Variants in MAGI1 observed in about 807,000 individuals in gnomAD.
MAGI1 encodes the protein membrane-associated guanylate kinase, WW and PDZ domain-containing protein 1.
MAGI1 carries 58 observed loss-of-function variants against 139.9 expected under a neutral mutation model. The ratio of observed to expected loss-of-function variants is 0.41; its 90% CI spans 0.34 to 0.52. The LOEUF is 0.52. Among genes scored for constraint, MAGI1 ranks in the 20% least tolerant of loss-of-function variants. MAGI1 has a pLI of 0.12. For missense variants in MAGI1, 1,874 were observed against 1,901.6 expected, an observed-to-expected ratio of 0.99 and a Z score of 0.27; for synonymous variants, 812 against 737.9, an observed-to-expected ratio of 1.10 and a Z score of -1.63.
intron 1 of MAGI1, among the ~76,000 whole-genome samples, chr3:65,927,718 T>C (rs964799123): frequency 2.6e-5 from 4 of 151,974 alleles, no homozygotes; most frequent in Non-Finnish European, 5.9e-5. Context: ...AAAGGGACTG[T>C]GGTTTGGGCT....
intron 12 of MAGI1, among the ~76,000 whole-genome samples, chr3:65,413,007 C>T (rs951237628): frequency 3.3e-5 from 5 of 152,104 alleles, no homozygotes; most frequent in Non-Finnish European, 4.4e-5. Flanking sequence ...CTTACTAAAG[C>T]AAACTTTTAT....
rs180851802 is a variant in MAGI1, at chr3:65,561,778, G to A, written c.430+60194C>T. Among the ~76,000 whole-genome samples the A allele has an allele frequency of 3.0e-4, 45 of 152,248 alleles. 1 individual carries two copies. Among genetic ancestry groups the A allele is most frequent in the African/African-American group, 9.9e-4 (41 of 41,538 alleles). Reference sequence around the variant, plus strand: ...ATTGCTTTTAAAACTTTATTAGCAAGTGGAGACAGAGTCAGTCAAACTACA... The same window carrying A: ...ATTGCTTTTAAAACTTTATTAGCAAATGGAGACAGAGTCAGTCAAACTACA... On this transcript the variant is annotated intron_variant, in intron 2 of 22. Transcript: ENST00000402939.
chr3:65,954,475 CTG>C lies in MAGI1; in HGVS notation c.313+83519_313+83520del, dbSNP rs561021890. On this transcript the variant is annotated intron_variant, in intron 1 of 22. Coordinates refer to ENST00000402939, the MANE Select transcript of MAGI1 (RefSeq NM_001033057.2). ...CCATAGGCACTGACATAGAAAATGT[CTG>C]TGACACGGCGGATCCGGAAACAGGC... The C allele has an allele frequency of 7.2e-5, 11 of 152,722 alleles. No homozygotes were observed. In the East Asian group the frequency reaches 2.1e-3, roughly 30 times the overall value. The allele number at this position is 152,722 out of a possible 1,614,324, so 9.5% of individuals were successfully genotyped here.
At chr3:65,548,806 A>G (rs1202959019) in intron 2 of MAGI1, among the ~76,000 whole-genome samples, 1 of 152,068 alleles carries the variant, frequency 6.6e-6, no homozygotes, top group Non-Finnish European at 1.5e-5. Context: ...TACAGGTGTA[A>G]GCCACCGCTC....
At chr3:65,910,862 T>TTTTTTTTTTTTTTC (rs2061638008) in intron 1 of MAGI1, among the ~76,000 whole-genome samples, 1 of 113,036 alleles carries the variant, frequency 8.8e-6, no homozygotes, top group Non-Finnish European at 1.8e-5. Flanking sequence ...GGACTTTTTT[T>TTTTTTTTTTTTTTC]TTTTTTTTTT....
chr3:65,392,326 TGTGGTAATCTCAG>T (rs1207526300), intron 13 of MAGI1, among the ~76,000 whole-genome samples: 1 of 152,192 alleles, frequency 6.6e-6, no homozygotes, highest in Non-Finnish European at 1.5e-5. Context: ...AATAAAAGAC[TGTGGTAATCTCAG>T]GTGTTTAGCA....
chr3:65,445,446 C>T (rs1354744367), intron 7 of MAGI1, among the ~76,000 whole-genome samples: 1 of 152,190 alleles, frequency 6.6e-6, no homozygotes, highest in Non-Finnish European at 1.5e-5. Context: ...TCTCATGCTG[C>T]ACTATTTTGT....
chr3:65,475,356 G>C (rs1325010110), intron 4 of MAGI1, among the ~76,000 whole-genome samples: 1 of 151,998 alleles, frequency 6.6e-6, no homozygotes, highest in Non-Finnish European at 1.5e-5. Context: ...TTGTATTACA[G>C]GCACCCACCA....
intron 1 of MAGI1, among the ~76,000 whole-genome samples, chr3:65,989,481 C>A (rs892196029): frequency 6.6e-6 from 1 of 152,184 alleles, no homozygotes; most frequent in Non-Finnish European, 1.5e-5. Context: ...ATAAACAGTA[C>A]ATGAGCCAGG....
Position 65,950,051 on chromosome 3 carries a change from A to C in MAGI1, c.313+87945T>G, listed in dbSNP as rs568564267. The stretch of plus-strand genomic sequence containing the variant: ...GCAACAGAGCCAGATCATCAAAAAA[A>C]AAAAAAACAAAAAAACAAAAAAAAA... On this transcript the variant is annotated intron_variant, in intron 1 of 22. Coordinates refer to ENST00000402939, the MANE Select transcript of MAGI1 (RefSeq NM_001033057.2). Among the ~76,000 whole-genome samples, 59 of 65,238 alleles carry C rather than the reference A, an allele frequency of 9.0e-4. 1 individual carries two copies. The highest frequency in any genetic ancestry group is 2.4e-3 in the African/African-American group (56 of 23,010). The allele number at this position is 65,238 out of a possible 152,430, so 42.8% of individuals were successfully genotyped here. A position where few individuals can be genotyped will look rare whatever the true frequency, so the allele number is the denominator to read the frequency against.
chr3:65,688,111 G>A, intron 1 of MAGI1: 1 of 770,742 alleles, frequency 1.3e-6, no homozygotes, highest in Non-Finnish European at 2.3e-6. Context: ...CATAGGTGTT[G>A]CTTGCAGATT....
chr3:65,379,461 T>C lies in MAGI1; in HGVS notation c.2795A>G (p.Gln932Arg). Residue 932 changes from glutamine (Q) to arginine (R), a missense_variant, in exon 17 of 23, where the codon CAG becomes CGG. Coordinates refer to ENST00000402939, the MANE Select transcript of MAGI1 (RefSeq NM_001033057.2). ...CGTGTTCAGCGAGTTCTGGCTGCCC[T>C]GCGGAGTGCGCTTCTCTTCTGTCAG... ...ASLTEEKRTP[Q>R]GSQNSLNTVS... The C allele has an allele frequency of 6.2e-7, 1 of 1,614,060 alleles. No homozygotes were observed. The highest frequency in any genetic ancestry group is 8.5e-7 in the Non-Finnish European group (1 of 1,179,946).
At chr3:65,377,822 A>G (rs1454177028) in intron 17 of MAGI1, among the ~76,000 whole-genome samples, 2 of 152,248 alleles carry the variant, frequency 1.3e-5, no homozygotes, top group Non-Finnish European at 1.5e-5. Context: ...CCACACATGC[A>G]TAGACCTGGC....
chr3:65,787,394 T>C (rs189663147), intron 1 of MAGI1, among the ~76,000 whole-genome samples: 16 of 152,056 alleles, frequency 1.1e-4, no homozygotes, highest in Middle Eastern at 3.4e-3. Flanking sequence ...GCCGTTTTTT[T>C]AGTGAACAGT....
intron 1 of MAGI1, among the ~76,000 whole-genome samples, chr3:65,657,883 A>C (rs6794294): frequency 0.53 from 80,307 of 151,940 alleles, 22,961 homozygotes; most frequent in East Asian, 0.63. Flanking sequence ...CACTTACATT[A>C]TAGGACTGAA....
chr3:65,861,045 C>A (rs2059539163), intron 1 of MAGI1, among the ~76,000 whole-genome samples: 1 of 152,210 alleles, frequency 6.6e-6, no homozygotes, highest in Non-Finnish European at 1.5e-5. Flanking sequence ...AGCAGCATCT[C>A]CATGGATGTG....
intron 1 of MAGI1, among the ~76,000 whole-genome samples, chr3:66,027,136 C>T (rs991343968): frequency 2.6e-5 from 4 of 151,646 alleles, no homozygotes; most frequent in Admixed American, 6.6e-5. Context: ...GGCGTGGTGG[C>T]GGGTGCCTGT....
At chr3:65,811,509 T>C (rs1312040604) in intron 1 of MAGI1, among the ~76,000 whole-genome samples, 9 of 152,272 alleles carry the variant, frequency 5.9e-5, no homozygotes, top group African/African-American at 1.9e-4. Context: ...ACCTGACTCA[T>C]GCTTGGCAAA....
Position 65,845,354 on chromosome 3 carries a change from G to A in MAGI1, c.313+192642C>T, listed in dbSNP as rs1176837359. On this transcript the variant is annotated intron_variant, in intron 1 of 22. Coordinates refer to ENST00000402939, the MANE Select transcript of MAGI1 (RefSeq NM_001033057.2). ...TAACATGATGGGCCCCTGGAGTAAC[G>A]CTGAACTTGCTATCTGACCATCACT... Among the ~76,000 whole-genome samples the A allele has an allele frequency of 7.2e-5, 11 of 152,134 alleles. No homozygotes were observed. The South Asian group carries it at 2.1e-3, about 29-fold the overall frequency.
Sources: gnomAD v4.1 joint callset for allele counts (sites outside exome capture counted in the v4.1 genomes callset) on GRCh38, gnomAD v4.1.1 for gene constraint, MANE v1.5 for transcripts, NCBI Gene and HGNC (gene_info 2026-07-23, HGNC 2026-07-21) for gene names.